Variants in RTL4 observed in about 807,000 individuals in gnomAD.
RTL4 encodes retrotransposon Gag like 4.
RTL4 carries 4 observed loss-of-function variants against 5.3 expected under a neutral mutation model. The ratio of observed to expected loss-of-function variants is 0.75; its 90% CI spans 0.37 to 1.72. The LOEUF (loss-of-function observed/expected upper bound fraction) is 1.72. Among genes scored for constraint, RTL4 ranks in the 40% most tolerant of loss-of-function variants. The pLI, the probability that RTL4 is intolerant of heterozygous loss-of-function variation, is 0.04. For missense variants in RTL4, 260 were observed against 227.1 expected (o/e 1.14, Z -0.93); for synonymous variants, 98 against 87.3 (o/e 1.12, Z -0.68).
chrX:112,436,948 G>A, the RTL4 span, among the ~76,000 whole-genome samples: 11 of 111,827 alleles, frequency 9.8e-5, no homozygotes, highest in African/African-American at 3.6e-4. Flanking sequence ...GGGCATTTTG[G>A]CTCCGTGATG....
the RTL4 span, among the ~76,000 whole-genome samples, chrX:112,269,618 G>T: frequency 7.1e-5 from 8 of 111,937 alleles, no homozygotes; most frequent in Admixed American, 7.6e-4. Context: ...AAGAAACTGA[G>T]GTTTGGCCAA....
the RTL4 span, among the ~76,000 whole-genome samples, chrX:112,188,633 G>T: frequency 9.0e-6 from 1 of 111,014 alleles, no homozygotes; most frequent in Non-Finnish European, 1.9e-5. Context: ...CCTAGTTCTG[G>T]CATTAGGCTT....
chrX:112,117,643 T>A, the RTL4 span, among the ~76,000 whole-genome samples: 5 of 111,294 alleles, frequency 4.5e-5, no homozygotes, highest in African/African-American at 1.3e-4. Context: ...TGTATTTTTT[T>A]AAAAAAAGAC....
chrX:112,267,429 T>C, the RTL4 span, among the ~76,000 whole-genome samples: 5 of 112,178 alleles, frequency 4.5e-5, no homozygotes, highest in South Asian at 1.9e-3. Flanking sequence ...GTTCTTCTCC[T>C]ATCTTACTGG....
chrX:112,164,169 T>G, the RTL4 span, among the ~76,000 whole-genome samples: 2 of 111,735 alleles, frequency 1.8e-5, no homozygotes, highest in African/African-American at 6.5e-5. Flanking sequence ...CTGTACAATT[T>G]CCACTGGCTC....
At chrX:112,432,864 A>T in the RTL4 span, among the ~76,000 whole-genome samples, 1 of 111,708 alleles carries the variant, frequency 9.0e-6, no homozygotes, top group East Asian at 2.8e-4. Context: ...TATGGTTTTA[A>T]GTCGAATGTT....
chrX:112,193,272 T>C, the RTL4 span, among the ~76,000 whole-genome samples: 1 of 111,762 alleles, frequency 8.9e-6, no homozygotes, highest in Non-Finnish European at 1.9e-5. Flanking sequence ...ACATTTATTA[T>C]TTCTTTGTGT....
At chrX:112,111,845 G>C in the RTL4 span, among the ~76,000 whole-genome samples, 6 of 112,011 alleles carry the variant, frequency 5.4e-5, no homozygotes, top group African/African-American at 1.9e-4. Context: ...GCATAAGTCT[G>C]GACTATAATT....
chrX:112,116,262 C>T, the RTL4 span, among the ~76,000 whole-genome samples: 5 of 111,609 alleles, frequency 4.5e-5, no homozygotes, highest in South Asian at 3.8e-4. Context: ...CCTTTGTGGT[C>T]GCCAAGATGT....
chrX:112,102,673 G>A, the RTL4 span, among the ~76,000 whole-genome samples: 266 of 111,196 alleles, frequency 2.4e-3, no homozygotes, highest in African/African-American at 8.0e-3. Context: ...GGGAGAAAAA[G>A]TTTGCAATCT....
At chrX:112,146,834 G>A in the RTL4 span, among the ~76,000 whole-genome samples, 1 of 107,348 alleles carries the variant, frequency 9.3e-6, no homozygotes, top group Non-Finnish European at 1.9e-5. Flanking sequence ...GGACTAACTG[G>A]AACTACTGTA....
chrX:112,146,628 CAGG>C, the RTL4 span, among the ~76,000 whole-genome samples: 15 of 110,009 alleles, frequency 1.4e-4, no homozygotes, highest in African/African-American at 4.6e-4. Context: ...GAGGAGGAAG[CAGG>C]AGGTCAGTGA....
the RTL4 span, among the ~76,000 whole-genome samples, chrX:112,324,660 A>T: frequency 9.0e-6 from 1 of 110,857 alleles, no homozygotes; most frequent in East Asian, 2.8e-4. Flanking sequence ...TTTAATTTTC[A>T]TTTGTCTCAA....
the RTL4 span, among the ~76,000 whole-genome samples, chrX:112,279,357 C>T: frequency 9.0e-6 from 1 of 110,908 alleles, no homozygotes; most frequent in Non-Finnish European, 1.9e-5. Flanking sequence ...ATATATTAAG[C>T]ATAGAGGAAT....
At chrX:112,133,581 CTAA>C in the RTL4 span, among the ~76,000 whole-genome samples, 1 of 111,619 alleles carries the variant, frequency 9.0e-6, no homozygotes, top group Admixed American at 9.5e-5. Flanking sequence ...GAGCAACACA[CTAA>C]TAATAGTCAA....
the RTL4 span, among the ~76,000 whole-genome samples, chrX:112,208,197 G>A: frequency 8.9e-6 from 1 of 111,846 alleles, no homozygotes; most frequent in Non-Finnish European, 1.9e-5. Context: ...GCCAATAATT[G>A]TTTGTGTAGA....
At chrX:112,084,361 G>T in the RTL4 span, among the ~76,000 whole-genome samples, 2 of 110,446 alleles carry the variant, frequency 1.8e-5, no homozygotes, top group African/African-American at 6.6e-5. Flanking sequence ...AGGTATTGGA[G>T]AAAAGAAAAT....
At chrX:112,236,422 T>G in the RTL4 span, among the ~76,000 whole-genome samples, 1 of 56,321 alleles carries the variant, frequency 1.8e-5, no homozygotes, top group African/African-American at 6.7e-5. Context: ...TCTATATCTA[T>G]ATATAGATAT....
the RTL4 span, among the ~76,000 whole-genome samples, chrX:112,224,618 C>T: frequency 9.0e-6 from 1 of 111,262 alleles, no homozygotes; most frequent in East Asian, 2.8e-4. Flanking sequence ...GGATTATAGG[C>T]GTGAGGCACC....
Sources: allele counts gnomAD v4.1 joint callset (sites outside exome capture counted in the v4.1 genomes callset), GRCh38; gene constraint gnomAD v4.1.1; transcripts MANE v1.5; gene names NCBI Gene and HGNC (gene_info 2026-07-23, HGNC 2026-07-21).